Variants in HROB observed in about 807,000 individuals in gnomAD.
HROB encodes homologous recombination factor with OB-fold.
In HROB, 44 loss-of-function variants were observed where a neutral mutation model predicts 61.0. That is an observed-to-expected ratio of 0.72 (90% CI 0.57 to 0.93). The LOEUF (loss-of-function observed/expected upper bound fraction) is 0.93. Among genes scored for constraint, HROB ranks in the 40% least tolerant of loss-of-function variants. The pLI, the probability that HROB is intolerant of heterozygous loss-of-function variation, is 0.00. For missense variants in HROB, 716 were observed against 796.2 expected (o/e 0.90, Z 1.21); for synonymous variants, 301 against 310.4 (o/e 0.97, Z 0.32).
Position 44,151,000 on chromosome 17 carries a change from C to G in HROB, c.1264C>G (p.Pro422Ala). ...RSLEDIMVSA[P>A]QTPTHGALAK... is the part of the protein sequence containing the mutation. Reference sequence around the variant, plus strand: ...TCTGGAGGACATCATGGTTTCCGCGCCCCAAACTCCAACCCATGGTGCTCT... The same window carrying G: ...TCTGGAGGACATCATGGTTTCCGCGGCCCAAACTCCAACCCATGGTGCTCT... The change falls in exon 4 of 10, where the codon CCC becomes GCC. Residue 422 changes from proline (P) to alanine (A), a missense_variant. Coordinates refer to ENST00000585683, the MANE Select transcript of HROB (RefSeq NM_001171251.3). The G allele has an allele frequency of 6.2e-7, 1 of 1,613,282 alleles. No homozygotes were observed. Among genetic ancestry groups the G allele is most frequent in the Non-Finnish European group, 8.5e-7 (1 of 1,179,926 alleles).
At chr17:44,152,542 C>A in intron 4 of HROB, 95 bp from the exon 5 acceptor site, 1 of 1,416,622 alleles carries the variant, frequency 7.1e-7, no homozygotes, top group Non-Finnish European at 9.6e-7. Flanking sequence ...AGGGGATTTG[C>A]CTTTCCTCTC....
intron 8 of HROB, among the ~76,000 whole-genome samples, chr17:44,156,912 C>T (rs1331761813): frequency 1.3e-5 from 2 of 152,148 alleles, no homozygotes; most frequent in East Asian, 1.9e-4. Context: ...CCACCTGCCT[C>T]AGCCTCCCAA....
In HROB at chr17:44,147,952, A is replaced by G; in HGVS notation, c.149A>G (p.Gln50Arg). 6.2e-7 allele frequency: 1 copy of G among 1,614,126 alleles called. No individual in the cohort carries two copies. Among genetic ancestry groups the G allele is most frequent in the Non-Finnish European group, 8.5e-7 (1 of 1,180,028 alleles). Residue 50 changes from glutamine (Q) to arginine (R), a missense_variant, in exon 3 of 10, where the codon CAG (glutamine) becomes CGG (arginine). Coordinates refer to ENST00000585683, the MANE Select transcript of HROB (RefSeq NM_001171251.3). Reference protein sequence around the residue: ...GRLRPVSSRPQETVQAQSSRL... With the variant: ...GRLRPVSSRPRETVQAQSSRL... The stretch of plus-strand genomic sequence containing the variant: ...CTGAGACCTGTCTCTTCTAGGCCAC[A>G]GGAGACTGTGCAGGCACAGTCCTCC...
In HROB at chr17:44,157,780, T is replaced by C. The variant is rs150815513; in HGVS notation, c.1771-53T>C. On this transcript the variant is annotated intron_variant, in intron 8 of 9. Coordinates refer to ENST00000585683, the MANE Select transcript of HROB (RefSeq NM_001171251.3). ...GGTTGTCTGGGTAGAGGTGGTGCCA[T>C]CTGAAGGGATTTCAGGGACACAGGC... is the stretch of plus-strand genomic sequence containing the variant. 2.3e-5 allele frequency: 33 copies of C among 1,413,540 alleles called. 1 individual carries two copies. The Middle Eastern group carries it at 7.6e-4, about 32-fold the overall frequency. 87.6% of individuals were successfully genotyped at this position (1,413,540 alleles called of 1,614,324 possible). A position where few individuals can be genotyped will look rare whatever the true frequency, so the allele number is the denominator to read the frequency against.
chr17:44,154,773 G>A, intron 6 of HROB, 80 bp from the exon 7 acceptor site: 1 of 1,593,452 alleles, frequency 6.3e-7, no homozygotes, highest in Non-Finnish European at 8.6e-7. Flanking sequence ...GCAGTGAGCA[G>A]CCCACTTCCC....
chr17:44,152,490 A>T (rs994481176), intron 4 of HROB, 147 bp from the exon 5 acceptor site: 1 of 757,460 alleles, frequency 1.3e-6, no homozygotes, highest in African/African-American at 1.8e-5. Flanking sequence ...CTTGGAGATA[A>T]ATGAGAGGAG....
rs1567714505 is a variant in HROB at position 44,148,484 on chromosome 17, T to A, written c.681T>A (p.Asp227Glu). 6.2e-7 allele frequency: 1 copy of A among 1,614,130 alleles called. No individual in the cohort carries two copies. Among genetic ancestry groups the A allele is most frequent in the South Asian group, 1.1e-5 (1 of 91,080 alleles). ...IHKAGIMSAQDESLDPVIQCR... is the reference protein window; with the variant it reads ...IHKAGIMSAQEESLDPVIQCR... ...AAGCGGGTATCATGTCCGCCCAGGA[T>A]GAGTCTCTAGATCCTGTCATCCAAT... Residue 227 changes from aspartate (D) to glutamate (E), a missense_variant, in exon 3 of 10, where the codon GAT (aspartate) becomes GAA (glutamate). By Grantham distance (45) the Asp-to-Glu change is conservative (BLOSUM62 2). Transcript: ENST00000585683.
At chr17:44,147,588 C>T (rs961999042) in intron 2 of HROB, among the ~76,000 whole-genome samples, 1 of 151,806 alleles carries the variant, frequency 6.6e-6, no homozygotes, top group Non-Finnish European at 1.5e-5. Context: ...CAGGTGTGCA[C>T]CCCCATGCCC....
intron 4 of HROB, 137 bp from the exon 5 acceptor site, chr17:44,152,500 G>A: frequency 1.2e-6 from 1 of 843,818 alleles, no homozygotes; most frequent in East Asian, 2.7e-5. Context: ...AATGAGAGGA[G>A]AGACTGTGGC....
At position 44,150,861 on chromosome 17, in the gene HROB, G is replaced by A. The variant is rs1210995062; in HGVS notation, c.1225-100G>A. 4 of 992,358 alleles carry A rather than the reference G, an allele frequency of 4.0e-6. No homozygotes were observed. In the Admixed American group the frequency reaches 6.1e-5, roughly 15 times the overall value. The allele number at this position is 992,358 out of a possible 1,614,324, so 61.5% of individuals were successfully genotyped here. A position where few individuals can be genotyped will look rare whatever the true frequency, so the allele number is the denominator to read the frequency against. ...GATGTAATATGTGTTAATAGTCCCT[G>A]ATCATTTCCTGAACTCATTATGTAA... On this transcript the variant is annotated intron_variant, in intron 3 of 9. Coordinates refer to ENST00000585683, the MANE Select transcript of HROB (RefSeq NM_001171251.3).
chr17:44,146,575 C>G (rs2053616508), intron 2 of HROB, among the ~76,000 whole-genome samples: 1 of 152,164 alleles, frequency 6.6e-6, no homozygotes, highest in African/African-American at 2.4e-5. Context: ...AATGGCAGAT[C>G]AGTCCCTTCC....
intron 3 of HROB, among the ~76,000 whole-genome samples, chr17:44,149,426 T>C (rs1476916541): frequency 6.6e-6 from 1 of 152,186 alleles, no homozygotes; most frequent in Non-Finnish European, 1.5e-5. Flanking sequence ...TTTTTGTGTT[T>C]TTGGTAGAGA....
At chr17:44,157,667 G>T (rs1307244796) in intron 8 of HROB, among the ~76,000 whole-genome samples, 166 bp from the exon 9 acceptor site, 1 of 151,976 alleles carries the variant, frequency 6.6e-6, no homozygotes, top group Non-Finnish European at 1.5e-5. Flanking sequence ...CACCCGCCTC[G>T]GCCTCCCAAA....
chr17:44,149,811 G>A (rs2053743367), intron 3 of HROB, among the ~76,000 whole-genome samples: 1 of 152,226 alleles, frequency 6.6e-6, no homozygotes, highest in South Asian at 2.1e-4. Flanking sequence ...ACAGTGAAAT[G>A]GAAGAAACAG....
rs141426664 is a variant in HROB, at chr17:44,157,558, C to T, written c.1771-275C>T. Reference sequence around the variant, plus strand: ...CCTCCCGAGTAGCTAGGATTACAGGCGTGTGCCACCATGCCCGGCTCTGTT... The same window carrying T: ...CCTCCCGAGTAGCTAGGATTACAGGTGTGTGCCACCATGCCCGGCTCTGTT... On this transcript the variant is annotated intron_variant, in intron 8 of 9. Coordinates refer to ENST00000585683, the MANE Select transcript of HROB (RefSeq NM_001171251.3). 8.4e-3 allele frequency among the ~76,000 whole-genome samples: 1,278 copies of T among 151,882 alleles called. 17 individuals carry two copies. The highest frequency in any genetic ancestry group is 0.029 in the African/African-American group (1,185 of 41,410).
At chr17:44,145,492 C>T (rs2053585274) in intron 2 of HROB, among the ~76,000 whole-genome samples, 1 of 152,194 alleles carries the variant, frequency 6.6e-6, no homozygotes, top group Non-Finnish European at 1.5e-5. Flanking sequence ...AGGGCTCTTT[C>T]CTGGAAGCTG....
chr17:44,147,789 C>T (rs977969397), intron 2 of HROB, 69 bp from the exon 3 acceptor site: 65 of 1,435,918 alleles, frequency 4.5e-5, no homozygotes, highest in Non-Finnish European at 5.9e-5. Context: ...CGCCATGTGC[C>T]TGAACAGTAA....
chr17:44,156,055 C>T (rs2053960010), intron 8 of HROB, among the ~76,000 whole-genome samples: 1 of 152,030 alleles, frequency 6.6e-6, no homozygotes, highest in Non-Finnish European at 1.5e-5. Context: ...TTGGGCAAGT[C>T]CTGTTGCCTC....
Position 44,142,101 on chromosome 17 carries a change from G to A in HROB, c.-42G>A. 2 of 1,530,818 alleles carry A rather than the reference G, an allele frequency of 1.3e-6. No individual in the cohort carries two copies. The highest frequency in any genetic ancestry group is 8.7e-7 in the Non-Finnish European group (1 of 1,144,230). The allele number at this position is 1,530,818 out of a possible 1,614,324, so 94.8% of individuals were successfully genotyped here. On this transcript the variant is annotated 5_prime_UTR_variant, in exon 1 of 10. It adds an upstream start codon to the 5' untranslated region. Coordinates refer to ENST00000585683, the MANE Select transcript of HROB (RefSeq NM_001171251.3). ...GCCCCGGCGACTCCCCGGACTCGGGGTGCCGGGCCAACCTCCCCGCCGAGG... is the reference window on the plus strand; with the variant it reads ...GCCCCGGCGACTCCCCGGACTCGGGATGCCGGGCCAACCTCCCCGCCGAGG...
Sources: gnomAD v4.1 joint callset for allele counts (sites outside exome capture counted in the v4.1 genomes callset) on GRCh38, gnomAD v4.1.1 for gene constraint, MANE v1.5 for transcripts, NCBI Gene and HGNC (gene_info 2026-07-23, HGNC 2026-07-21) for gene names.